Variants in ORC4 observed in about 807,000 individuals in gnomAD.
The protein encoded by ORC4 is origin recognition complex, subunit 4 homolog.
Under a neutral mutation model 63.9 loss-of-function variants are expected in ORC4, and 55 were observed. That is an observed-to-expected ratio of 0.86 (90% CI 0.69 to 1.08). The LOEUF is 1.08. Ranked by LOEUF, ORC4 falls within the 50% of genes least tolerant of loss-of-function variation. The pLI is 0.00. For missense variants in ORC4, 511 were observed against 504.4 expected, an observed-to-expected ratio of 1.01 and a Z score of -0.13; for synonymous variants, 150 against 168.5, an observed-to-expected ratio of 0.89 and a Z score of 0.85.
At chr2:147,949,327 T>A (rs1454287762) in intron 8 of ORC4, among the ~76,000 whole-genome samples, 1 of 152,038 alleles carries the variant, frequency 6.6e-6, no homozygotes, top group Admixed American at 6.6e-5. Flanking sequence ...TGAAAACATG[T>A]TAAAGAAGCC....
At chr2:148,016,939 C>T (rs1026440163) in intron 1 of ORC4, among the ~76,000 whole-genome samples, 5 of 152,000 alleles carry the variant, frequency 3.3e-5, no homozygotes, top group African/African-American at 9.7e-5. Context: ...CTGTAATATC[C>T]CCCAAAACAT....
chr2:148,021,069 A>G (rs1693684585), upstream of ORC4: 1 of 152,456 alleles, frequency 6.6e-6, no homozygotes, highest in South Asian at 1.8e-4. Flanking sequence ...CGTCTCTTCT[A>G]CCCGAACCCC....
intron 1 of ORC4, among the ~76,000 whole-genome samples, chr2:147,991,085 G>A (rs2105400246): frequency 7.4e-6 from 1 of 134,538 alleles, no homozygotes; most frequent in African/African-American, 2.9e-5. Flanking sequence ...CTTTCACTCT[G>A]TCGCCTGGCT....
intron 1 of ORC4, among the ~76,000 whole-genome samples, chr2:148,014,344 C>A (rs1408711160): frequency 2.0e-5 from 3 of 152,170 alleles, no homozygotes; most frequent in African/African-American, 7.2e-5. Flanking sequence ...ATCTTAAAGT[C>A]TTCCTTAATG....
intron 1 of ORC4, among the ~76,000 whole-genome samples, chr2:147,991,506 A>G (rs536106985): frequency 6.6e-6 from 1 of 152,144 alleles, no homozygotes; most frequent in East Asian, 1.9e-4. Flanking sequence ...TAATACTATG[A>G]TATGTTCAGT....
chr2:148,019,454 T>C (rs1693538551), intron 1 of ORC4, among the ~76,000 whole-genome samples: 1 of 152,090 alleles, frequency 6.6e-6, no homozygotes, highest in Non-Finnish European at 1.5e-5. Flanking sequence ...TAGCCAGGCG[T>C]GGTGGCACAT....
At chr2:147,967,601 C>G (rs556348497) in intron 4 of ORC4, among the ~76,000 whole-genome samples, 162 of 151,494 alleles carry the variant, frequency 1.1e-3, no homozygotes, top group Non-Finnish European at 2.0e-3. Context: ...GTGAAAGGTA[C>G]AGTTTTGTAC....
intron 4 of ORC4, among the ~76,000 whole-genome samples, chr2:147,959,817 G>A (rs892561322): frequency 1.1e-4 from 17 of 152,078 alleles, no homozygotes; most frequent in Admixed American, 7.9e-4. Flanking sequence ...CATACTACCA[G>A]TAATAGCCCA....
At chr2:147,957,969 G>A (rs1689357035) in intron 6 of ORC4, among the ~76,000 whole-genome samples, 1 of 152,032 alleles carries the variant, frequency 6.6e-6, no homozygotes. Flanking sequence ...CTGGAGCATG[G>A]TATTTTTAAA....
rs751295775 is a variant in ORC4, at chr2:147,972,769, A to C, written c.195T>G (p.Ile65Met). ...ALHGESNSVL[I>M]IGPRGSGKTM... ...TTTTTCCTGATCCTCGGGGTCCGAT[A>C]ATAAGGACAGAGTTACTCTCTCCAT... The change falls in exon 4 of 14, where the codon ATT becomes ATG. Residue 65 changes from isoleucine (I) to methionine (M), a missense_variant. Coordinates refer to ENST00000392857, the MANE Select transcript of ORC4 (RefSeq NM_181741.4). The C allele has an allele frequency of 1.2e-6, 2 of 1,610,612 alleles. No individual in the cohort carries two copies. Among genetic ancestry groups the C allele is most frequent in the South Asian group, 2.2e-5 (2 of 90,634 alleles).
At chr2:147,964,959 C>A (rs921572335) in intron 4 of ORC4, among the ~76,000 whole-genome samples, 2 of 151,990 alleles carry the variant, frequency 1.3e-5, no homozygotes, top group African/African-American at 2.4e-5. Flanking sequence ...GAATATAATA[C>A]CCAGCAGCTT....
chr2:148,013,873 A>G (rs1291412079), intron 1 of ORC4, among the ~76,000 whole-genome samples: 4 of 152,228 alleles, frequency 2.6e-5, no homozygotes, highest in Non-Finnish European at 5.9e-5. Flanking sequence ...CAACAAAAAA[A>G]CTAAATAATG....
chr2:147,981,889 C>T (rs1558859848), intron 1 of ORC4: 1 of 152,182 alleles, frequency 6.6e-6, no homozygotes, highest in Non-Finnish European at 1.5e-5. Flanking sequence ...TTTACATTCA[C>T]ATTTATTAAT....
Position 147,938,318 on chromosome 2 carries a change from T to C in ORC4, c.1034A>G (p.Asn345Ser), listed in dbSNP as rs1470219234. The C allele has an allele frequency of 6.2e-7, 1 of 1,607,866 alleles. No individual in the cohort carries two copies. Among genetic ancestry groups the C allele is most frequent in the Non-Finnish European group, 8.5e-7 (1 of 1,175,364 alleles). ...CTCACCATTATAGACCATTTGAAAA[T>C]TAAATGGCTCTTCCTCATAGATGTC... ...LNDIYEEEPF[N>S]FQMVYNEFQK... Residue 345 changes from asparagine (N) to serine (S), a missense_variant, in exon 12 of 14, where the codon AAT becomes AGT. Physicochemically the swap from Asn to Ser is conservative, Grantham distance 46. Coordinates refer to ENST00000392857, the MANE Select transcript of ORC4 (RefSeq NM_181741.4).
In ORC4 at chr2:147,955,404, C is replaced by A; in HGVS notation, c.388-9G>T. ...TTTTCAGCAAAGCTTCCCTGAACAA[C>A]AAAATGAGATAAAATGATTAAAAGT... On this transcript the variant is annotated splice_polypyrimidine_tract_variant and intron_variant, in intron 6 of 13. Coordinates refer to ENST00000392857, the MANE Select transcript of ORC4 (RefSeq NM_181741.4). 1.3e-6 allele frequency: 2 copies of A among 1,592,250 alleles called. No homozygotes were observed. Among genetic ancestry groups the A allele is most frequent in the Non-Finnish European group, 1.7e-6 (2 of 1,162,418 alleles).
At chr2:147,994,916 T>C (rs895240855) in intron 1 of ORC4, among the ~76,000 whole-genome samples, 1 of 152,156 alleles carries the variant, frequency 6.6e-6, no homozygotes, top group Non-Finnish European at 1.5e-5. Context: ...TCCCAGCTAC[T>C]TGGTGACAGG....
intron 1 of ORC4, among the ~76,000 whole-genome samples, chr2:148,000,910 A>G (rs7598361): frequency 0.26 from 39,567 of 152,050 alleles, 5,979 homozygotes; most frequent in East Asian, 0.46. Context: ...GGCTAAATCT[A>G]CATCACCTAT....
In ORC4 at chr2:147,947,923, A is replaced by C. The variant is rs533440302; in HGVS notation, c.762+128T>G. The C allele has an allele frequency of 4.2e-6, 3 of 722,040 alleles. No individual in the cohort carries two copies. The South Asian group carries it at 5.0e-5, about 12-fold the overall frequency. 44.7% of individuals were successfully genotyped at this position (722,040 alleles called of 1,614,324 possible). A position where few individuals can be genotyped will look rare whatever the true frequency, so the allele number is the denominator to read the frequency against. Reference sequence around the variant, plus strand: ...AATTTTTAAAAAGTATATAATTTGTATTACTGCAGCATTATCCTTCAGCAA... The same window carrying C: ...AATTTTTAAAAAGTATATAATTTGTCTTACTGCAGCATTATCCTTCAGCAA... On this transcript the variant is annotated intron_variant, in intron 9 of 13. Transcript: ENST00000392857.
chr2:147,972,019 A>G (rs934872803), intron 4 of ORC4, among the ~76,000 whole-genome samples: 1 of 152,130 alleles, frequency 6.6e-6, no homozygotes, highest in Non-Finnish European at 1.5e-5. Flanking sequence ...ATTGAAATTT[A>G]TTGTATATAA....
Sources: allele counts gnomAD v4.1 joint callset (sites outside exome capture counted in the v4.1 genomes callset), GRCh38; gene constraint gnomAD v4.1.1; transcripts MANE v1.5; gene names NCBI Gene and HGNC (gene_info 2026-07-23, HGNC 2026-07-21).